ZNF385D: variants seen among roughly 807,000 people sequenced by gnomAD.
The protein encoded by ZNF385D is zinc finger protein 659.
In ZNF385D, 15 loss-of-function variants were observed where a neutral mutation model predicts 35.8. That is an observed-to-expected ratio of 0.42 (90% CI 0.28 to 0.64). The LOEUF is 0.64. Among genes scored for constraint, ZNF385D ranks in the 30% least tolerant of loss-of-function variants. ZNF385D has a pLI of 0.23. For synonymous variants in ZNF385D, 212 were observed against 186.8 expected, an observed-to-expected ratio of 1.13 and a Z score of -1.10; for missense variants, 474 against 494.6, an observed-to-expected ratio of 0.96 and a Z score of 0.39.
At chr3:21,587,257 G>C (rs2125720801) in intron 2 of ZNF385D, among the ~76,000 whole-genome samples, 1 of 152,186 alleles carries the variant, frequency 6.6e-6, no homozygotes, top group Non-Finnish European at 1.5e-5. Flanking sequence ...AAATAATTTG[G>C]ACAAGAAATT....
At chr3:21,855,374 T>C (rs1160982184) in intron 3 of ZNF385D, among the ~76,000 whole-genome samples, 1 of 152,080 alleles carries the variant, frequency 6.6e-6, no homozygotes. Context: ...AGATGCATAC[T>C]GTACAGACTG....
At chr3:21,439,155 G>C (rs769406114) in intron 4 of ZNF385D, among the ~76,000 whole-genome samples, 1 of 151,892 alleles carries the variant, frequency 6.6e-6, no homozygotes, top group Non-Finnish European at 1.5e-5. Flanking sequence ...TAAATTGTAT[G>C]TATTTATAAA....
rs115008457 is a variant in ZNF385D, at chr3:21,724,354, G to A, written c.22+26541C>T. Among the ~76,000 whole-genome samples, 495 of 151,426 alleles carry A rather than the reference G, an allele frequency of 3.3e-3. 5 individuals are homozygous for A. Among genetic ancestry groups the A allele is most frequent in the African/African-American group, 0.012 (480 of 41,158 alleles). ...ATGACCCAATTAAAAGACACACAATGGCACATTGCATAGAGTCAAGACCCA... is the reference window on the plus strand; with the variant it reads ...ATGACCCAATTAAAAGACACACAATAGCACATTGCATAGAGTCAAGACCCA... On this transcript the variant is annotated intron_variant, in intron 1 of 7. Coordinates refer to ENST00000281523, the MANE Select transcript of ZNF385D (RefSeq NM_024697.3).
At chr3:21,931,461 A>G (rs1701004295) in intron 3 of ZNF385D, among the ~76,000 whole-genome samples, 1 of 152,168 alleles carries the variant, frequency 6.6e-6, no homozygotes, top group Admixed American at 6.5e-5. Context: ...TAAATGAAAA[A>G]CGTATGTCCA....
At chr3:21,691,650 C>T (rs2067290229) in intron 1 of ZNF385D, among the ~76,000 whole-genome samples, 1 of 152,106 alleles carries the variant, frequency 6.6e-6, no homozygotes, top group African/African-American at 2.4e-5. Context: ...ATCATCATTG[C>T]TATAAAACTG....
chr3:21,466,088 G>A (rs915530876), intron 4 of ZNF385D, among the ~76,000 whole-genome samples: 1 of 152,096 alleles, frequency 6.6e-6, no homozygotes, highest in Non-Finnish European at 1.5e-5. Flanking sequence ...TTCTCACCTG[G>A]ATAACTGCAA....
At chr3:21,527,942 T>C (rs1708326569) in intron 3 of ZNF385D, among the ~76,000 whole-genome samples, 2 of 152,324 alleles carry the variant, frequency 1.3e-5, no homozygotes, top group African/African-American at 4.8e-5. Context: ...ATTATTTAAA[T>C]GACTTTATGT....
intron 3 of ZNF385D, among the ~76,000 whole-genome samples, chr3:21,889,203 A>G (rs953169023): frequency 3.3e-5 from 5 of 152,180 alleles, no homozygotes; most frequent in East Asian, 1.9e-4. Flanking sequence ...CTTTAGTCCC[A>G]CTGATCATAT....
chr3:22,321,783 CAA>C (rs1467448055), intron 2 of ZNF385D, among the ~76,000 whole-genome samples: 2 of 152,050 alleles, frequency 1.3e-5, no homozygotes, highest in African/African-American at 4.8e-5. Context: ...CTGGTGTGAA[CAA>C]GTTACTGTGC....
chr3:21,579,336 G>T (rs1383841075), intron 2 of ZNF385D: 1 of 152,160 alleles, frequency 6.6e-6, no homozygotes. Context: ...TCACTGAAAC[G>T]TGGGTCAAAT....
At chr3:21,806,863 A>T (rs2072676155) in intron 3 of ZNF385D, among the ~76,000 whole-genome samples, 1 of 152,224 alleles carries the variant, frequency 6.6e-6, no homozygotes, top group African/African-American at 2.4e-5. Context: ...AATCAAAAAA[A>T]CAAAGCAAAG....
intron 3 of ZNF385D, among the ~76,000 whole-genome samples, chr3:21,908,491 G>A (rs1699807013): frequency 6.6e-6 from 1 of 152,080 alleles, no homozygotes; most frequent in Admixed American, 6.6e-5. Flanking sequence ...AGATCACCTT[G>A]TAGAGGGGGA....
chr3:21,876,444 T>A (rs1416070777), intron 3 of ZNF385D, among the ~76,000 whole-genome samples: 1 of 151,426 alleles, frequency 6.6e-6, no homozygotes, highest in African/African-American at 2.4e-5. Flanking sequence ...AGTATTTGTC[T>A]TCAAGAAAAT....
At chr3:22,212,052 G>A (rs995006121) in intron 2 of ZNF385D, among the ~76,000 whole-genome samples, 25 of 151,938 alleles carry the variant, frequency 1.6e-4, no homozygotes, top group South Asian at 6.2e-4. Flanking sequence ...ACTGCAATAG[G>A]GAAAGTGTAG....
intron 1 of ZNF385D, among the ~76,000 whole-genome samples, chr3:21,672,162 G>A (rs1216857776): frequency 6.6e-6 from 1 of 152,062 alleles, no homozygotes; most frequent in Non-Finnish European, 1.5e-5. Context: ...TCCCATCTCT[G>A]TCAACAGAAT....
chr3:21,946,272 T>C (rs991116412), intron 3 of ZNF385D, among the ~76,000 whole-genome samples: 3 of 152,138 alleles, frequency 2.0e-5, no homozygotes, highest in Non-Finnish European at 4.4e-5. Flanking sequence ...TATTTAATAG[T>C]CTATTAGTTA....
intron 2 of ZNF385D, among the ~76,000 whole-genome samples, chr3:22,224,624 A>G (rs899793050): frequency 2.0e-5 from 3 of 152,194 alleles, no homozygotes. Context: ...GAACCCAAGG[A>G]AACACTATAG....
chr3:21,499,432 T>C (rs948964894), intron 4 of ZNF385D, among the ~76,000 whole-genome samples: 3 of 152,028 alleles, frequency 2.0e-5, no homozygotes, highest in Non-Finnish European at 4.4e-5. Flanking sequence ...AAATATTGAT[T>C]ACATATGAAC....
intron 2 of ZNF385D, among the ~76,000 whole-genome samples, chr3:22,332,477 T>A (rs932889731): frequency 6.6e-6 from 1 of 152,180 alleles, no homozygotes; most frequent in Admixed American, 6.5e-5. Flanking sequence ...GCATGGTGGT[T>A]ATGAATTATG....
Sources: gnomAD v4.1 joint callset for allele counts (sites outside exome capture counted in the v4.1 genomes callset) on GRCh38, gnomAD v4.1.1 for gene constraint, MANE v1.5 for transcripts, NCBI Gene and HGNC (gene_info 2026-07-23, HGNC 2026-07-21) for gene names.